ANKFY1: variants seen among roughly 807,000 people sequenced by gnomAD.
ANKFY1 encodes ankyrin repeat and FYVE domain containing 1.
In ANKFY1, 47 loss-of-function variants were observed where a neutral mutation model predicts 128.3. The observed-to-expected ratio is 0.37, with a 90% CI of 0.29 to 0.47. The LOEUF is 0.47. Among genes scored for constraint, ANKFY1 ranks in the 20% least tolerant of loss-of-function variants. ANKFY1 has a pLI of 1.00. For missense variants in ANKFY1, 1,222 were observed against 1,510.6 expected (o/e 0.81, Z 3.17); for synonymous variants, 553 against 601.6 (o/e 0.92, Z 1.18).
chr17:4,193,756 A>C (rs1214183933), intron 10 of ANKFY1, among the ~76,000 whole-genome samples: 2 of 145,870 alleles, frequency 1.4e-5, no homozygotes, highest in African/African-American at 5.1e-5. Context: ...TTTTATTTTA[A>C]TTAATTAATT....
At chr17:4,221,242 G>A (rs550953402) in intron 3 of ANKFY1, among the ~76,000 whole-genome samples, 1 of 152,312 alleles carries the variant, frequency 6.6e-6, no homozygotes, top group African/African-American at 2.4e-5. Context: ...TAGGGACAGA[G>A]CCACTGTTGC....
chr17:4,210,988 C>T (rs922940183), intron 4 of ANKFY1, among the ~76,000 whole-genome samples: 3 of 151,836 alleles, frequency 2.0e-5, no homozygotes, highest in South Asian at 4.2e-4. Context: ...GCCGAGATTA[C>T]GCCACTGCAC....
intron 12 of ANKFY1, 118 bp downstream of exon 12, chr17:4,184,700 G>A (rs2059578894): frequency 9.1e-7 from 1 of 1,100,034 alleles, no homozygotes; most frequent in African/African-American, 1.5e-5. Flanking sequence ...AGGATTTTTT[G>A]GGGGTAAGAA....
intron 1 of ANKFY1, among the ~76,000 whole-genome samples, chr17:4,262,542 G>A (rs1242748145): frequency 6.6e-6 from 1 of 152,088 alleles, no homozygotes; most frequent in Non-Finnish European, 1.5e-5. Flanking sequence ...AATTACTAGC[G>A]CGAGCCACCA....
intron 22 of ANKFY1, 116 bp from the exon 23 acceptor site, chr17:4,170,977 C>T: frequency 6.9e-7 from 1 of 1,454,250 alleles, no homozygotes; most frequent in South Asian, 1.2e-5. Context: ...AATCTGTTCA[C>T]AAAGTCCCCA....
chr17:4,181,692 T>A lies in ANKFY1; in HGVS notation c.2122-320A>T, dbSNP rs914673607. 1.1e-4 allele frequency among the ~76,000 whole-genome samples: 16 copies of A among 152,134 alleles called. No individual in the cohort carries two copies. The highest frequency in any genetic ancestry group is 5.9e-4 in the Admixed American group (9 of 15,270). On this transcript the variant is annotated intron_variant, in intron 15 of 24. Coordinates refer to ENST00000341657, the MANE Select transcript of ANKFY1 (RefSeq NM_001330063.2). This position sits in a 1 kb window ranked among gnomAD's most constrained non-coding sequence, Gnocchi z 4.9. ...GTCTGTGTACACATGCACCAACGGG[T>A]CCTCAGTAACACACACCTGCAATTA...
chr17:4,263,283 A>T (rs1382271780), intron 1 of ANKFY1, among the ~76,000 whole-genome samples: 1 of 152,210 alleles, frequency 6.6e-6, no homozygotes, highest in East Asian at 1.9e-4. Flanking sequence ...GGGGAGGCAA[A>T]GGCACAGAGG....
rs561252048 is a variant in ANKFY1, at chr17:4,183,799, G to A, written c.1798+13C>T. The A allele has an allele frequency of 8.8e-5, 141 of 1,603,518 alleles. No homozygotes were observed. Among genetic ancestry groups the A allele is most frequent in the Non-Finnish European group, 4.8e-5 (56 of 1,170,482 alleles). On this transcript the variant is annotated intron_variant, in intron 13 of 24. Coordinates refer to ENST00000341657, the MANE Select transcript of ANKFY1 (RefSeq NM_001330063.2). ...TCTGTCTGCAGACATCAGCGGCCCC[G>A]GCACAGCCTTACCAGTCCATAATGC...
rs1020049786 is a variant in ANKFY1, at chr17:4,183,110, G to GA, written c.1952+287dup. Among the ~76,000 whole-genome samples, 23 of 151,814 alleles carry GA rather than the reference G, an allele frequency of 1.5e-4. No individual in the cohort carries two copies. The East Asian group carries it at 1.5e-3, about 10-fold the overall frequency. On this transcript the variant is annotated intron_variant, in intron 14 of 24. Transcript: ENST00000341657. ...AAAAGAGTAAGATCCTGCCTCAAAGGAAAAAAAACCTGGATTTTAGATTGT... is the reference window on the plus strand; with the variant it reads ...AAAAGAGTAAGATCCTGCCTCAAAGGAAAAAAAAACCTGGATTTTAGATTGT...
chr17:4,173,893 A>G lies in ANKFY1; in HGVS notation c.2923+16T>C. On this transcript the variant is annotated intron_variant, in intron 20 of 24. Transcript: ENST00000341657. ...GGAGGGATCGTTCAAGCCACTAAAGAATGACTGGGAGTTACCATTGTTTCC... is the reference window on the plus strand; with the variant it reads ...GGAGGGATCGTTCAAGCCACTAAAGGATGACTGGGAGTTACCATTGTTTCC... 6.2e-7 allele frequency: 1 copy of G among 1,608,908 alleles called. No individual in the cohort carries two copies. The highest frequency in any genetic ancestry group is 1.3e-5 in the African/African-American group (1 of 74,938).
chr17:4,189,414 TG>T lies in ANKFY1; in HGVS notation c.1437del (p.Asn480ThrfsTer55). The T allele has an allele frequency of 6.3e-7, 1 of 1,591,988 alleles. No individual in the cohort carries two copies. Among genetic ancestry groups the T allele is most frequent in the Non-Finnish European group, 8.6e-7 (1 of 1,166,496 alleles). ...GNEAAALFLA[T>X]NGAHVNHRNK... ...TTTCTGTGGTTGACATGGGCACCGTTGGTTGCCAGGAAAAGAGCTGCTGCCT... is the reference window on the plus strand; with the variant it reads ...TTTCTGTGGTTGACATGGGCACCGTTGTTGCCAGGAAAAGAGCTGCTGCCT... On this transcript the variant is annotated frameshift_variant, in exon 11 of 25. Transcript: ENST00000341657. LOFTEE classifies it high-confidence loss of function.
At chr17:4,244,731 C>G (rs2143416910) in intron 1 of ANKFY1, among the ~76,000 whole-genome samples, 1 of 152,200 alleles carries the variant, frequency 6.6e-6, no homozygotes, top group Admixed American at 6.5e-5. Context: ...TCCTTCCTAC[C>G]CAAGTTTAAT....
At chr17:4,263,904 C>T in intron 1 of ANKFY1, 28 bp downstream of exon 1, 1 of 1,613,858 alleles carries the variant, frequency 6.2e-7, no homozygotes, top group Non-Finnish European at 8.5e-7. Context: ...TCCGTGTCTT[C>T]CCGCGCGGCT....
In ANKFY1 at chr17:4,217,080, T is replaced by C; in HGVS notation, c.361A>G (p.Ile121Val). 3 of 1,613,568 alleles carry C rather than the reference T, an allele frequency of 1.9e-6. No individual in the cohort carries two copies. Among genetic ancestry groups the C allele is most frequent in the South Asian group, 1.1e-5 (1 of 91,060 alleles). ...CTGAACTCCAGCTCATCTGTATAGA[T>C]CCAGCGAAGCATTGTCATCGTCACC... ...PEVTMTMLRWIYTDELEFRED... is the reference protein window; with the variant it reads ...PEVTMTMLRWVYTDELEFRED... The change falls in exon 4 of 25, where the codon ATC (isoleucine) becomes GTC (valine). Residue 121 changes from isoleucine to valine, a missense_variant. Coordinates refer to ENST00000341657, the MANE Select transcript of ANKFY1 (RefSeq NM_001330063.2).
intron 1 of ANKFY1, among the ~76,000 whole-genome samples, chr17:4,244,527 C>T (rs1323110632): frequency 2.6e-5 from 4 of 152,090 alleles, no homozygotes; most frequent in South Asian, 2.1e-4. Context: ...AATCATCCTC[C>T]GGGCCTTGGT....
chr17:4,208,346 G>A (rs923727432), intron 5 of ANKFY1, among the ~76,000 whole-genome samples: 2 of 152,194 alleles, frequency 1.3e-5, no homozygotes, highest in Non-Finnish European at 2.9e-5. Context: ...GAAGGCTGAC[G>A]TTCCGAGCCT....
At position 4,208,034 on chromosome 17, in the gene ANKFY1, A is replaced by T; in HGVS notation, c.631T>A (p.Tyr211Asn). Residue 211 changes from tyrosine to asparagine, a missense_variant, in exon 6 of 25, where the codon TAC (tyrosine) becomes AAC (asparagine). Physicochemically the swap from Tyr to Asn is moderately radical, Grantham distance 143. Coordinates refer to ENST00000341657, the MANE Select transcript of ANKFY1 (RefSeq NM_001330063.2). ...DFSSMSAQLLYKMIKSKTEYP... is the reference protein window; with the variant it reads ...DFSSMSAQLLNKMIKSKTEYP... ...TCTGTCTTGGATTTGATCATTTTGT[A>T]TAACAACTGAGCGCTCATGCTGCTG... The T allele has an allele frequency of 1.2e-6, 2 of 1,611,344 alleles. No homozygotes were observed. The highest frequency in any genetic ancestry group is 1.7e-6 in the Non-Finnish European group (2 of 1,178,924).
intron 1 of ANKFY1, among the ~76,000 whole-genome samples, chr17:4,260,560 A>G (rs11078492): frequency 0.98 from 145,223 of 148,414 alleles, 71,139 homozygotes; most frequent in East Asian, 1. Context: ...GGAGATTGCA[A>G]TGAGCTGTGA....
intron 19 of ANKFY1, among the ~76,000 whole-genome samples, chr17:4,174,939 G>A (rs1451452243): frequency 6.6e-6 from 1 of 151,572 alleles, no homozygotes; most frequent in East Asian, 2.0e-4. Flanking sequence ...ATGTTGCCCA[G>A]ACTGGTGTCA....
Sources: allele counts gnomAD v4.1 joint callset (sites outside exome capture counted in the v4.1 genomes callset), GRCh38; gene constraint gnomAD v4.1.1; non-coding constraint Gnocchi (gnomAD v3.1); transcripts MANE v1.5; gene names NCBI Gene and HGNC (gene_info 2026-07-23, HGNC 2026-07-21).